Variants in WWTR1 observed in about 807,000 individuals in gnomAD.
The protein encoded by WWTR1 is WW domain-containing transcription regulator protein 1.
Under a neutral mutation model 40.1 loss-of-function variants are expected in WWTR1, and 13 were observed. That is an observed-to-expected ratio of 0.32 (90% CI 0.21 to 0.52). The LOEUF is 0.52. WWTR1 is among the 20% of genes least tolerant of loss of function. The pLI, the probability that WWTR1 is intolerant of heterozygous loss-of-function variation, is 0.97. For missense variants in WWTR1, 436 were observed against 523.1 expected (o/e 0.83, Z 1.63); for synonymous variants, 230 against 210.1 (o/e 1.09, Z -0.82).
chr3:149,544,814 C>A (rs1736293828), intron 3 of WWTR1, among the ~76,000 whole-genome samples: 1 of 152,172 alleles, frequency 6.6e-6, no homozygotes, highest in South Asian at 2.1e-4. Context: ...AAAATAGGGA[C>A]CCAAATGTTG....
intron 2 of WWTR1, among the ~76,000 whole-genome samples, chr3:149,664,644 A>G (rs1469873232): frequency 1.3e-5 from 2 of 149,342 alleles, no homozygotes; most frequent in Non-Finnish European, 3.0e-5. Flanking sequence ...GCTGTAGTGC[A>G]ATGGCGCCAT....
chr3:149,700,171 A>C (rs913002942), intron 1 of WWTR1, among the ~76,000 whole-genome samples: 6 of 152,118 alleles, frequency 3.9e-5, no homozygotes, highest in African/African-American at 1.4e-4. Flanking sequence ...TTACTTTTTA[A>C]AACTTCTTCA....
intron 3 of WWTR1, among the ~76,000 whole-genome samples, chr3:149,550,524 T>C (rs1736567144): frequency 6.6e-6 from 1 of 152,122 alleles, no homozygotes; most frequent in African/African-American, 2.4e-5. Context: ...CTTGGCAGAG[T>C]ACTGAATTAT....
At chr3:149,574,499 T>C (rs963146000) in intron 2 of WWTR1, among the ~76,000 whole-genome samples, 1 of 152,198 alleles carries the variant, frequency 6.6e-6, no homozygotes, top group African/African-American at 2.4e-5. Context: ...AGCATGATTG[T>C]TGTTTCTGTT....
At chr3:149,620,564 T>G (rs56073118) in intron 2 of WWTR1, among the ~76,000 whole-genome samples, 2 of 148,484 alleles carry the variant, frequency 1.3e-5, no homozygotes, top group African/African-American at 4.9e-5. Flanking sequence ...CCTCCACCGC[T>G]CCCCCCCACA....
intron 2 of WWTR1, among the ~76,000 whole-genome samples, chr3:149,618,826 G>A (rs1281949924): frequency 1.3e-5 from 2 of 152,120 alleles, no homozygotes; most frequent in African/African-American, 4.8e-5. Flanking sequence ...AACTGAGAGG[G>A]CAGTGACACG....
intron 2 of WWTR1, among the ~76,000 whole-genome samples, chr3:149,608,350 C>T (rs890041453): frequency 1.3e-5 from 2 of 152,046 alleles, no homozygotes; most frequent in African/African-American, 2.4e-5. Context: ...CCAGAGCCTG[C>T]ACAGTTAGCA....
At chr3:149,693,794 T>A (rs1346624711) in intron 1 of WWTR1, among the ~76,000 whole-genome samples, 1 of 152,030 alleles carries the variant, frequency 6.6e-6, no homozygotes, top group African/African-American at 2.4e-5. Context: ...TATCCATCTG[T>A]GGAATAATAA....
At chr3:149,571,843 A>G (rs956635394) in intron 3 of WWTR1, among the ~76,000 whole-genome samples, 2 of 152,190 alleles carry the variant, frequency 1.3e-5, no homozygotes, top group Non-Finnish European at 2.9e-5. Context: ...CAACTTTTCT[A>G]AAACTTTAAA....
chr3:149,697,406 T>C (rs945694616), intron 1 of WWTR1, among the ~76,000 whole-genome samples: 84 of 152,136 alleles, frequency 5.5e-4, no homozygotes, highest in African/African-American at 2.0e-3. Context: ...CGAGGGATCA[T>C]GACAACTATA....
At chr3:149,599,363 T>C (rs1739143101) in intron 2 of WWTR1, among the ~76,000 whole-genome samples, 4 of 152,198 alleles carry the variant, frequency 2.6e-5, no homozygotes, top group Admixed American at 2.6e-4. Context: ...TGGCCAGTAA[T>C]GGTTGTCAAG....
intron 2 of WWTR1, among the ~76,000 whole-genome samples, chr3:149,664,692 G>A (rs945988960): frequency 6.6e-6 from 1 of 151,192 alleles, no homozygotes; most frequent in African/African-American, 2.4e-5. Context: ...GGGTTCAAAC[G>A]ATTCTCCTGC....
At chr3:149,577,683 A>G (rs1457852891) in intron 2 of WWTR1, among the ~76,000 whole-genome samples, 1 of 152,186 alleles carries the variant, frequency 6.6e-6, no homozygotes, top group African/African-American at 2.4e-5. Context: ...ATGTCGTGTG[A>G]AATCAGTTTT....
rs147451069 is a variant in WWTR1 at position 149,701,765 on chromosome 3, A to T, written c.-108+1359T>A. On this transcript the variant is annotated intron_variant, in intron 1 of 7. Coordinates refer to the WWTR1 transcript ENST00000465804. ...AAGCTGTTTAAGTTGAAGCGCTCTC[A>T]GATGTTTGGGGGGAAACATCCTCTT... is the stretch of plus-strand genomic sequence containing the variant. 152 of 174,210 alleles carry T rather than the reference A, an allele frequency of 8.7e-4. 2 individuals carry two copies. The East Asian group carries it at 0.015, about 17-fold the overall frequency. 10.8% of individuals were successfully genotyped at this position (174,210 alleles called of 1,614,324 possible).
chr3:149,572,244 C>A (rs1039665722), intron 3 of WWTR1, among the ~76,000 whole-genome samples: 10 of 151,578 alleles, frequency 6.6e-5, no homozygotes, highest in Admixed American at 4.6e-4. Context: ...TAAGGTAAGG[C>A]ATGGAAGCAC....
intron 4 of WWTR1, among the ~76,000 whole-genome samples, chr3:149,718,322 GA>G (rs1365018783): frequency 1.3e-5 from 2 of 152,072 alleles, no homozygotes; most frequent in African/African-American, 4.8e-5. Context: ...ACAGATAGTA[GA>G]AAGCAGGAGA....
chr3:149,567,650 G>A, intron 3 of WWTR1, among the ~76,000 whole-genome samples: 1 of 152,158 alleles, frequency 6.6e-6, no homozygotes, highest in East Asian at 1.9e-4. Context: ...GAGGCAACTG[G>A]CTAACAATAA....
At chr3:149,659,820 C>G (rs1713488952), upstream of WWTR1, 1 of 152,130 alleles carries the variant, frequency 6.6e-6, no homozygotes, top group African/African-American at 2.4e-5. Flanking sequence ...GAGCCACTTC[C>G]CCTGTTATCT....
chr3:149,625,077 T>C (rs1330629404), intron 2 of WWTR1, among the ~76,000 whole-genome samples: 1 of 150,878 alleles, frequency 6.6e-6, no homozygotes, highest in Non-Finnish European at 1.5e-5. Context: ...AAGTTGGTTG[T>C]TAGTGAAATA....
Sources: gnomAD v4.1 joint callset for allele counts (sites outside exome capture counted in the v4.1 genomes callset) on GRCh38, gnomAD v4.1.1 for gene constraint, MANE v1.5 for transcripts, NCBI Gene and HGNC (gene_info 2026-07-23, HGNC 2026-07-21) for gene names.